The following SLC17A1 variants were observed in gnomAD, a reference collection of about 807,000 sequenced individuals.
SLC17A1 encodes sodium-dependent phosphate transport protein 1.
Under a neutral mutation model 53.5 loss-of-function variants are expected in SLC17A1, and 51 were observed. The observed-to-expected ratio is 0.95, with a 90% CI of 0.76 to 1.20. SLC17A1 has a LOEUF of 1.20. SLC17A1 is among the 50% of genes most tolerant of loss of function. The probability of loss-of-function intolerance (pLI) is 0.00; values close to 1 mark genes in which losing one functional copy is unlikely to be tolerated. For missense variants in SLC17A1, 538 were observed against 568.2 expected (o/e 0.95, Z 0.54); for synonymous variants, 179 against 198.8 (o/e 0.90, Z 0.84).
the SLC17A1 span, chr6:25,761,942 C>T: frequency 1.3e-6 from 2 of 1,597,230 alleles, no homozygotes; most frequent in South Asian, 1.1e-5. Flanking sequence ...AAATGCCAGT[C>T]CCTAGGAAGA....
chr6:25,725,498 C>T, the SLC17A1 span, among the ~76,000 whole-genome samples: 2 of 152,248 alleles, frequency 1.3e-5, no homozygotes, highest in East Asian at 3.9e-4. Flanking sequence ...GTACTTTAAC[C>T]AGCCAGACTG....
chr6:25,793,170 T>A (rs1763537331), intron 12 of SLC17A1, among the ~76,000 whole-genome samples: 1 of 152,204 alleles, frequency 6.6e-6, no homozygotes, highest in Non-Finnish European at 1.5e-5. Context: ...CTCTTAGGAA[T>A]ACTGAGCTCA....
At chr6:25,771,221 T>C in the SLC17A1 span, among the ~76,000 whole-genome samples, 1 of 152,196 alleles carries the variant, frequency 6.6e-6, no homozygotes, top group Admixed American at 6.5e-5. Context: ...TAACATTCCT[T>C]ACTGCTTCTA....
chr6:25,801,708 CT>C (rs1322480956), intron 10 of SLC17A1, among the ~76,000 whole-genome samples: 1 of 152,100 alleles, frequency 6.6e-6, no homozygotes, highest in Non-Finnish European at 1.5e-5. Context: ...TTTCTTGTTT[CT>C]TTTTTTCTGA....
intron 2 of SLC17A1, among the ~76,000 whole-genome samples, chr6:25,829,999 A>G (rs1385118859): frequency 6.6e-6 from 1 of 152,210 alleles, no homozygotes; most frequent in Admixed American, 6.5e-5. Context: ...TCATAAGTTG[A>G]AAAAGTATAC....
chr6:25,751,142 G>A, the SLC17A1 span, among the ~76,000 whole-genome samples: 1 of 152,134 alleles, frequency 6.6e-6, no homozygotes, highest in African/African-American at 2.4e-5. Context: ...GTGTGTAGGG[G>A]AAGCAGACAC....
At chr6:25,752,756 T>C in the SLC17A1 span, among the ~76,000 whole-genome samples, 12 of 152,066 alleles carry the variant, frequency 7.9e-5, no homozygotes, top group African/African-American at 2.9e-4. Context: ...ATCGAGACCA[T>C]CCTGGCTAAC....
chr6:25,728,340 T>G, the SLC17A1 span, among the ~76,000 whole-genome samples: 1 of 152,200 alleles, frequency 6.6e-6, no homozygotes, highest in African/African-American at 2.4e-5. Context: ...TTACTGGTTG[T>G]TGGACTCCAT....
At chr6:25,817,782 CATTTTATTT>C (rs1764409026) in intron 6 of SLC17A1, among the ~76,000 whole-genome samples, 1 of 152,176 alleles carries the variant, frequency 6.6e-6, no homozygotes. Context: ...AACAGGTCTG[CATTTTATTT>C]ATATAAAGTC....
chr6:25,829,514 A>G (rs1387343273), intron 2 of SLC17A1, among the ~76,000 whole-genome samples: 1 of 152,172 alleles, frequency 6.6e-6, no homozygotes, highest in Non-Finnish European at 1.5e-5. Flanking sequence ...GAGTCTCTAC[A>G]TGGTAAAAGG....
chr6:25,736,699 T>G, the SLC17A1 span, among the ~76,000 whole-genome samples: 1 of 152,170 alleles, frequency 6.6e-6, no homozygotes, highest in Non-Finnish European at 1.5e-5. Flanking sequence ...CTCAGTGTCT[T>G]CTGTTACACC....
At chr6:25,772,613 C>G in the SLC17A1 span, among the ~76,000 whole-genome samples, 6 of 152,160 alleles carry the variant, frequency 3.9e-5, no homozygotes, top group Non-Finnish European at 4.4e-5. Context: ...GCTGAGGATT[C>G]ATTTCATTTC....
At chr6:25,726,129 A>G in the SLC17A1 span, 1 of 1,521,702 alleles carries the variant, frequency 6.6e-7, no homozygotes, top group East Asian at 2.3e-5. Flanking sequence ...TGACAACCTT[A>G]AGTTACTTGC....
chr6:25,830,289 A>G (rs1377743488), intron 2 of SLC17A1, among the ~76,000 whole-genome samples: 1 of 152,196 alleles, frequency 6.6e-6, no homozygotes, highest in Non-Finnish European at 1.5e-5. Flanking sequence ...ACTAAATGAT[A>G]AACTGACAAG....
chr6:25,770,897 C>T, the SLC17A1 span: 2 of 1,580,038 alleles, frequency 1.3e-6, 1 homozygote, highest in Middle Eastern at 3.3e-4. Flanking sequence ...AGTCCTCTCA[C>T]CCAGAACATC....
At chr6:25,831,635 C>T (rs1764953165) in intron 1 of SLC17A1, among the ~76,000 whole-genome samples, 1 of 152,010 alleles carries the variant, frequency 6.6e-6, no homozygotes, top group South Asian at 2.1e-4. Context: ...GAAGTACAAA[C>T]TACAAACACC....
downstream of SLC17A1, chr6:25,780,963 GACA>G (rs1277699013): frequency 6.6e-6 from 1 of 152,132 alleles, no homozygotes. Context: ...TCCAAGTGTA[GACA>G]ACAAGAAGGA....
chr6:25,743,295 C>T, the SLC17A1 span, among the ~76,000 whole-genome samples: 22 of 151,952 alleles, frequency 1.4e-4, no homozygotes, highest in Admixed American at 1.1e-3. Flanking sequence ...CAAACTGAAA[C>T]GAATGAAACA....
At position 25,793,984 on chromosome 6, in the gene SLC17A1, G is replaced by A. The variant is rs567567926; in HGVS notation, c.*2+4799C>T. 1.5e-4 allele frequency among the ~76,000 whole-genome samples: 23 copies of A among 152,248 alleles called. No individual in the cohort carries two copies. In the South Asian group the frequency reaches 3.7e-3, roughly 25 times the overall value. ...TCATTTGCGACTGGAGGTCACACAC[G>A]CACTTTGAGTTTCCATAAAACCCAC... On this transcript the variant is annotated intron_variant, in intron 12 of 12. Transcript: ENST00000244527.
Sources: gnomAD v4.1 joint callset for allele counts (sites outside exome capture counted in the v4.1 genomes callset) on GRCh38, gnomAD v4.1.1 for gene constraint, MANE v1.5 for transcripts, NCBI Gene and HGNC (gene_info 2026-07-23, HGNC 2026-07-21) for gene names.